SDC2: variants seen among roughly 807,000 people sequenced by gnomAD.
SDC2 encodes syndecan 2, also known as syndecan-2.
Under a neutral mutation model 22.2 loss-of-function variants are expected in SDC2, and 13 were observed. The ratio of observed to expected loss-of-function variants is 0.59; its 90% confidence interval spans 0.38 to 0.93. The LOEUF (loss-of-function observed/expected upper bound fraction) is 0.93, where lower values mean the gene tolerates loss of function less well. SDC2 is among the 40% of genes least tolerant of loss of function. The pLI is 0.00. For missense variants in SDC2, 235 were observed against 246.8 expected, an observed-to-expected ratio of 0.95 and a Z score of 0.32; for synonymous variants, 94 against 92.8, an observed-to-expected ratio of 1.01 and a Z score of -0.07.
intron 1 of SDC2, among the ~76,000 whole-genome samples, chr8:96,497,352 A>G (rs979689121): frequency 3.3e-5 from 5 of 152,226 alleles, no homozygotes; most frequent in South Asian, 2.1e-4. Flanking sequence ...GTTGGGTATT[A>G]GCAGAAGGAG....
At chr8:96,596,428 A>G (rs565784372) in intron 2 of SDC2, among the ~76,000 whole-genome samples, 10 of 152,326 alleles carry the variant, frequency 6.6e-5, no homozygotes, top group South Asian at 6.2e-4. Context: ...AGATAGGACT[A>G]TGTTCTATAT....
At chr8:96,519,738 C>T (rs1227987793) in intron 1 of SDC2, among the ~76,000 whole-genome samples, 2 of 151,824 alleles carry the variant, frequency 1.3e-5, no homozygotes, top group African/African-American at 4.8e-5. Context: ...CGGGTTCAAG[C>T]GATTCTTGTG....
At chr8:96,503,480 G>C (rs1232095915) in intron 1 of SDC2, among the ~76,000 whole-genome samples, 33 of 152,108 alleles carry the variant, frequency 2.2e-4, no homozygotes, top group African/African-American at 8.0e-4. Flanking sequence ...TGTGTATAAA[G>C]ATAATGTATA....
chr8:96,572,643 C>T (rs1814416143), intron 1 of SDC2, among the ~76,000 whole-genome samples: 1 of 152,040 alleles, frequency 6.6e-6, no homozygotes, highest in South Asian at 2.1e-4. Flanking sequence ...ATATCTGAAC[C>T]ACAAACCAGA....
At chr8:96,523,523 A>T (rs1364878399) in intron 1 of SDC2, among the ~76,000 whole-genome samples, 1 of 152,152 alleles carries the variant, frequency 6.6e-6, no homozygotes, top group Non-Finnish European at 1.5e-5. Context: ...GGAGATTTAC[A>T]TCTGTAAGCC....
At chr8:96,609,252 T>G in intron 4 of SDC2, 133 bp from the exon 5 acceptor site, 1 of 674,052 alleles carries the variant, frequency 1.5e-6, no homozygotes, top group Non-Finnish European at 2.3e-6. Flanking sequence ...CTTCATTGAA[T>G]CCAGCTTTTT....
At chr8:96,571,857 A>G (rs936597512) in intron 1 of SDC2, among the ~76,000 whole-genome samples, 1 of 152,232 alleles carries the variant, frequency 6.6e-6, no homozygotes, top group Non-Finnish European at 1.5e-5. Flanking sequence ...GAGCAATAAT[A>G]GTATCATTAG....
At position 96,496,604 on chromosome 8, in the gene SDC2, A is replaced by G. The variant is rs576818596; in HGVS notation, c.60+2273A>G. 1.9e-4 allele frequency among the ~76,000 whole-genome samples: 29 copies of G among 152,342 alleles called. No individual in the cohort carries two copies. The East Asian group carries it at 4.4e-3, about 23-fold the overall frequency. ...AGTCAAAAGACTGAATTTAAAAAAA[A>G]ATTAGCAATTACAGAATATTATTTC... is the stretch of plus-strand genomic sequence containing the variant. On this transcript the variant is annotated intron_variant, in intron 1 of 4. Transcript: ENST00000302190.
At chr8:96,578,681 GC>G (rs1289146509) in intron 1 of SDC2, among the ~76,000 whole-genome samples, 31 of 152,220 alleles carry the variant, frequency 2.0e-4, no homozygotes, top group Admixed American at 2.0e-3. Flanking sequence ...GCTGTGAAAT[GC>G]CCCCTGTGTG....
At chr8:96,570,441 A>G (rs114171656) in intron 1 of SDC2, among the ~76,000 whole-genome samples, 1 of 152,360 alleles carries the variant, frequency 6.6e-6, no homozygotes, top group African/African-American at 2.4e-5. Context: ...AAAACAAAAA[A>G]CAAAAAACCC....
chr8:96,538,246 C>G (rs1029774700), intron 1 of SDC2, among the ~76,000 whole-genome samples: 3 of 152,284 alleles, frequency 2.0e-5, no homozygotes, highest in African/African-American at 7.2e-5. Flanking sequence ...AGACGTGAGC[C>G]ACTGCGCCCA....
At chr8:96,605,544 G>A (rs552031949) in intron 3 of SDC2, among the ~76,000 whole-genome samples, 1 of 152,314 alleles carries the variant, frequency 6.6e-6, no homozygotes, top group East Asian at 1.9e-4. Context: ...GCCTGGGAAG[G>A]CCTGTCGTAT....
In SDC2 at chr8:96,604,062, CCA is replaced by C. The variant is rs1332414816; in HGVS notation, c.306+1537_306+1538del. Reference sequence around the variant, plus strand: ...TTACTAAAGATGCATTTGGCTCTTACCACATTTTTATTTGACCACTTCTCTTG... The same window carrying C: ...TTACTAAAGATGCATTTGGCTCTTACCATTTTTATTTGACCACTTCTCTTG... On this transcript the variant is annotated intron_variant, in intron 3 of 4. Coordinates refer to ENST00000302190, the MANE Select transcript of SDC2 (RefSeq NM_002998.4). 5.3e-5 allele frequency among the ~76,000 whole-genome samples: 8 copies of C among 152,260 alleles called. No homozygotes were observed. The East Asian group carries it at 1.4e-3, about 26-fold the overall frequency.
At chr8:96,517,749 A>G (rs1428011778) in intron 1 of SDC2, among the ~76,000 whole-genome samples, 1 of 71,008 alleles carries the variant, frequency 1.4e-5, no homozygotes, top group African/African-American at 8.3e-5. Context: ...GTGTGCATAA[A>G]TACACACGTT....
intron 1 of SDC2, among the ~76,000 whole-genome samples, chr8:96,514,578 T>G (rs1397921016): frequency 6.6e-6 from 1 of 152,102 alleles, no homozygotes; most frequent in Non-Finnish European, 1.5e-5. Context: ...ACACCTAATG[T>G]ACAGAAGGAC....
intron 1 of SDC2, among the ~76,000 whole-genome samples, chr8:96,586,925 T>G (rs1814696042): frequency 6.6e-6 from 1 of 152,182 alleles, no homozygotes; most frequent in Non-Finnish European, 1.5e-5. Flanking sequence ...CCCTTCTTTT[T>G]TTCTTTTTTG....
chr8:96,510,193 C>T (rs1813306840), intron 1 of SDC2, among the ~76,000 whole-genome samples: 1 of 152,200 alleles, frequency 6.6e-6, no homozygotes, highest in African/African-American at 2.4e-5. Context: ...ATTGGAAATA[C>T]ATTCTGGGAC....
chr8:96,607,688 C>A (rs977129886), intron 3 of SDC2, among the ~76,000 whole-genome samples: 1 of 152,024 alleles, frequency 6.6e-6, no homozygotes, highest in African/African-American at 2.4e-5. Flanking sequence ...GTCCGAGACC[C>A]AGTGAGTGTC....
chr8:96,533,842 C>T (rs1352943169), intron 1 of SDC2, among the ~76,000 whole-genome samples: 1 of 152,222 alleles, frequency 6.6e-6, no homozygotes, highest in Non-Finnish European at 1.5e-5. Context: ...GCTCGGTGTG[C>T]CCGCACTCCT....
Sources: allele counts gnomAD v4.1 joint callset (sites outside exome capture counted in the v4.1 genomes callset), GRCh38; gene constraint gnomAD v4.1.1; transcripts MANE v1.5; gene names NCBI Gene and HGNC (gene_info 2026-07-23, HGNC 2026-07-21).